SCHIP1: variants seen among roughly 807,000 people sequenced by gnomAD.
The protein encoded by SCHIP1 is schwannomin-interacting protein 1.
Under a neutral mutation model 29.7 loss-of-function variants are expected in SCHIP1, and 8 were observed. That is an observed-to-expected ratio of 0.27 (90% CI 0.16 to 0.49). The LOEUF (loss-of-function observed/expected upper bound fraction) is 0.49. Among genes scored for constraint, SCHIP1 ranks in the 20% least tolerant of loss-of-function variants. SCHIP1 has a pLI of 0.99. For missense variants in SCHIP1, 193 were observed against 294.6 expected (o/e 0.66, Z 2.52); for synonymous variants, 76 against 94.9 (o/e 0.80, Z 1.16).
the SCHIP1 span, among the ~76,000 whole-genome samples, chr3:159,780,930 G>T: frequency 1.5e-4 from 23 of 152,332 alleles, 1 homozygote; most frequent in East Asian, 2.9e-3. Context: ...GCGTCCACTT[G>T]ATGAGGCTGA....
At chr3:159,713,320 C>T in the SCHIP1 span, among the ~76,000 whole-genome samples, 1 of 151,752 alleles carries the variant, frequency 6.6e-6, no homozygotes, top group Non-Finnish European at 1.5e-5. Context: ...GGAAATGCAT[C>T]TTTGAACAGA....
chr3:159,777,743 G>A, the SCHIP1 span, among the ~76,000 whole-genome samples: 1 of 152,172 alleles, frequency 6.6e-6, no homozygotes, highest in Admixed American at 6.5e-5. Context: ...GTGTGGTGGT[G>A]AGTCTTTATA....
the SCHIP1 span, chr3:159,401,512 A>C: frequency 4.7e-6 from 1 of 214,512 alleles, no homozygotes; most frequent in Non-Finnish European, 8.0e-6. Context: ...GATAGGTACT[A>C]TTTTCATCCT....
chr3:159,463,035 G>A, the SCHIP1 span, among the ~76,000 whole-genome samples: 51 of 151,682 alleles, frequency 3.4e-4, no homozygotes, highest in East Asian at 9.1e-3. Flanking sequence ...ATATAGACAC[G>A]GAAAGTCTAT....
At chr3:159,330,851 GT>G in the SCHIP1 span, among the ~76,000 whole-genome samples, 2 of 152,136 alleles carry the variant, frequency 1.3e-5, no homozygotes, top group African/African-American at 4.8e-5. Flanking sequence ...CTGTGCTTGA[GT>G]TTTTTTCTCT....
chr3:159,727,727 A>T, the SCHIP1 span, among the ~76,000 whole-genome samples: 1 of 152,146 alleles, frequency 6.6e-6, no homozygotes, highest in Non-Finnish European at 1.5e-5. Context: ...ACACACAGGG[A>T]ATATACATTT....
intron 1 of SCHIP1, among the ~76,000 whole-genome samples, chr3:159,846,388 A>G (rs1205386206): frequency 6.6e-6 from 1 of 152,234 alleles, no homozygotes; most frequent in Non-Finnish European, 1.5e-5. Context: ...TGTTGGAGAA[A>G]GTGGTAAACA....
chr3:159,468,568 A>G, the SCHIP1 span, among the ~76,000 whole-genome samples: 14 of 151,754 alleles, frequency 9.2e-5, no homozygotes, highest in East Asian at 2.7e-3. Flanking sequence ...ATGAGTGAAC[A>G]TTCAGAAAGA....
chr3:159,879,118 G>A (rs1716182548), intron 2 of SCHIP1, among the ~76,000 whole-genome samples: 1 of 151,788 alleles, frequency 6.6e-6, no homozygotes, highest in East Asian at 1.9e-4. Flanking sequence ...AATAATATTG[G>A]ACTAATCTTA....
chr3:159,491,251 G>A, the SCHIP1 span, among the ~76,000 whole-genome samples: 180 of 152,338 alleles, frequency 1.2e-3, no homozygotes, highest in Non-Finnish European at 2.0e-3. Flanking sequence ...GTGCTGGACA[G>A]CGGGTGAAGG....
the SCHIP1 span, among the ~76,000 whole-genome samples, chr3:159,602,968 G>C: frequency 6.6e-6 from 1 of 152,184 alleles, no homozygotes; most frequent in East Asian, 1.9e-4. Flanking sequence ...ACAGAATGAG[G>C]GCTCAATGCC....
intron 5 of SCHIP1, among the ~76,000 whole-genome samples, chr3:159,891,726 G>C (rs1717563308): frequency 6.6e-6 from 1 of 152,154 alleles, no homozygotes; most frequent in Admixed American, 6.5e-5. Flanking sequence ...CCTCCTGACT[G>C]TCAGCGTGGC....
the SCHIP1 span, among the ~76,000 whole-genome samples, chr3:159,675,395 T>C: frequency 2.0e-5 from 3 of 152,190 alleles, no homozygotes; most frequent in African/African-American, 4.8e-5. Context: ...GTCGTGAAGG[T>C]TGACACCATC....
the SCHIP1 span, among the ~76,000 whole-genome samples, chr3:159,516,618 C>T: frequency 2.0e-5 from 3 of 152,136 alleles, no homozygotes; most frequent in Admixed American, 1.3e-4. Flanking sequence ...TTGATGATAT[C>T]TCTCATCTAT....
the SCHIP1 span, among the ~76,000 whole-genome samples, chr3:159,643,441 C>G: frequency 1.3e-5 from 2 of 152,050 alleles, no homozygotes; most frequent in African/African-American, 4.8e-5. Flanking sequence ...TCATTTACAA[C>G]AGGAGCCATT....
the SCHIP1 span, among the ~76,000 whole-genome samples, chr3:159,457,841 A>G: frequency 3.9e-5 from 6 of 152,196 alleles, no homozygotes; most frequent in Admixed American, 3.3e-4. Flanking sequence ...ATAACAATAT[A>G]TGTAATAAAA....
the SCHIP1 span, among the ~76,000 whole-genome samples, chr3:159,425,447 G>T: frequency 7.9e-5 from 12 of 151,596 alleles, no homozygotes; most frequent in Non-Finnish European, 2.9e-5. Flanking sequence ...GACAAAGAAG[G>T]CCATTACATA....
chr3:159,705,309 A>G, the SCHIP1 span, among the ~76,000 whole-genome samples: 1 of 152,114 alleles, frequency 6.6e-6, no homozygotes, highest in African/African-American at 2.4e-5. Flanking sequence ...TTTCTTTTCC[A>G]GCTTCCTTCT....
the SCHIP1 span, among the ~76,000 whole-genome samples, chr3:159,573,510 A>T: frequency 6.6e-6 from 1 of 152,164 alleles, no homozygotes; most frequent in Non-Finnish European, 1.5e-5. Flanking sequence ...TTTTGTGGGT[A>T]ACTCGATCTT....
Sources: gnomAD v4.1 joint callset for allele counts (sites outside exome capture counted in the v4.1 genomes callset) on GRCh38, gnomAD v4.1.1 for gene constraint, MANE v1.5 for transcripts, NCBI Gene and HGNC (gene_info 2026-07-23, HGNC 2026-07-21) for gene names.